ATP13A5: variants seen among roughly 807,000 people sequenced by gnomAD.
ATP13A5 encodes the protein ATPase 13A5.
A neutral mutation model predicts 150.2 loss-of-function variants in ATP13A5; 149 were observed. That is an observed-to-expected ratio of 0.99 (90% CI 0.87 to 1.14). ATP13A5 has a LOEUF of 1.14. Among genes scored for constraint, ATP13A5 ranks in the 50% most tolerant of loss-of-function variants. The pLI, the probability that ATP13A5 is intolerant of heterozygous loss-of-function variation, is 0.00. For synonymous variants in ATP13A5, 497 were observed against 522.2 expected (o/e 0.95, Z 0.66); for missense variants, 1,383 against 1,449.3 (o/e 0.95, Z 0.74).
At chr3:193,376,818 C>T (rs112999659) in intron 1 of ATP13A5, among the ~76,000 whole-genome samples, 19 of 152,278 alleles carry the variant, frequency 1.2e-4, no homozygotes, top group African/African-American at 4.1e-4. Context: ...TTCCACAGTT[C>T]GGTCACCCCA....
chr3:193,342,096 A>G (rs1051469406), intron 9 of ATP13A5, among the ~76,000 whole-genome samples: 8 of 152,180 alleles, frequency 5.3e-5, no homozygotes, highest in African/African-American at 1.9e-4. Flanking sequence ...CGGTATTCTA[A>G]CAGCTCCTAG....
chr3:193,344,608 G>T (rs1035821003), intron 8 of ATP13A5, among the ~76,000 whole-genome samples: 3 of 152,158 alleles, frequency 2.0e-5, no homozygotes, highest in African/African-American at 7.2e-5. Flanking sequence ...GTCTGTTTGG[G>T]ATAGTTAGAC....
Position 193,274,904 on chromosome 3 carries a change from G to A in ATP13A5, c.*138C>T. On this transcript the variant is annotated 3_prime_UTR_variant, in exon 30 of 30. Coordinates refer to ENST00000342358, the MANE Select transcript of ATP13A5 (RefSeq NM_198505.4). ...CCTATCTAAGGTCCCTTGCTGCAAG[G>A]TTTAATTCATTGAAAATATACTTTG... 5.5e-6 allele frequency: 7 copies of A among 1,281,986 alleles called. No individual in the cohort carries two copies. Among genetic ancestry groups the A allele is most frequent in the South Asian group, 1.4e-5 (1 of 69,780 alleles). 79.4% of individuals were successfully genotyped at this position (1,281,986 alleles called of 1,614,324 possible). A position where few individuals can be genotyped will look rare whatever the true frequency, so the allele number is the denominator to read the frequency against.
rs531185421 is a variant in ATP13A5, at chr3:193,293,701, A to T, written c.2849-3642T>A. ...CTGAAAATCATATAAGACAAATTTC[A>T]GGAGGTTCATGAACCCACCTAAACT... On this transcript the variant is annotated intron_variant, in intron 25 of 29. Transcript: ENST00000342358. 3.3e-5 allele frequency among the ~76,000 whole-genome samples: 5 copies of T among 152,210 alleles called. No individual in the cohort carries two copies. In the South Asian group the frequency reaches 1.0e-3, roughly 32 times the overall value.
intron 25 of ATP13A5, 145 bp from the exon 26 acceptor site, chr3:193,290,204 T>C (rs1159718383): frequency 1.4e-6 from 1 of 731,520 alleles, no homozygotes; most frequent in Non-Finnish European, 2.1e-6. Flanking sequence ...GGTAAGCACA[T>C]TGCCTGGTGG....
Position 193,334,962 on chromosome 3 carries a change from G to GC in ATP13A5, c.1080dup (p.Gln361AlafsTer126), listed in dbSNP as rs1449277326. On this transcript the variant is annotated frameshift_variant, in exon 10 of 30. Coordinates refer to ENST00000342358, the MANE Select transcript of ATP13A5 (RefSeq NM_198505.4). LOFTEE classifies it high-confidence loss of function. ...AAAACGACTGCTCGTACAGGCCCCT[G>GC]CCCAGAGGGCTTGACCTGGATAACT... 1.2e-6 allele frequency: 2 copies of GC among 1,613,862 alleles called. No individual in the cohort carries two copies. The highest frequency in any genetic ancestry group is 2.2e-5 in the South Asian group (2 of 91,046).
At chr3:193,290,173 C>G (rs542786931) in intron 25 of ATP13A5, 114 bp from the exon 26 acceptor site, 3 of 1,056,210 alleles carry the variant, frequency 2.8e-6, no homozygotes, top group African/African-American at 3.3e-5. Flanking sequence ...TAAGCAAACA[C>G]GAACAGAAGA....
chr3:193,296,028 G>C (rs1263024692), intron 25 of ATP13A5, among the ~76,000 whole-genome samples: 1 of 152,104 alleles, frequency 6.6e-6, no homozygotes, highest in Non-Finnish European at 1.5e-5. Context: ...GCAGCAGCGA[G>C]AGCAAGCTAT....
intron 6 of ATP13A5, among the ~76,000 whole-genome samples, chr3:193,352,602 A>G (rs1712606331): frequency 6.6e-6 from 1 of 152,186 alleles, no homozygotes; most frequent in African/African-American, 2.4e-5. Flanking sequence ...CAATTTGAAA[A>G]CGTACTTGAC....
chr3:193,291,307 G>A (rs1208592169), intron 25 of ATP13A5, among the ~76,000 whole-genome samples: 1 of 152,078 alleles, frequency 6.6e-6, no homozygotes, highest in South Asian at 2.1e-4. Context: ...ATGCAGAGAT[G>A]AGAAGGACAT....
intron 7 of ATP13A5, among the ~76,000 whole-genome samples, chr3:193,345,461 T>C (rs1222864413): frequency 1.3e-5 from 2 of 152,050 alleles, no homozygotes; most frequent in Non-Finnish European, 1.5e-5. Flanking sequence ...TCAGAGAGAC[T>C]CCAGGGATGC....
In ATP13A5 at chr3:193,364,099, G is replaced by A. The variant is rs1352878313; in HGVS notation, c.237+8C>T. 3 of 1,613,492 alleles carry A rather than the reference G, an allele frequency of 1.9e-6. No homozygotes were observed. The Admixed American group carries it at 5.0e-5, about 27-fold the overall frequency. ...GGCTTTCAAAATAGAAAACAGAAAGGCACGCACTGTTGTCCTCAGCAAAAC... is the reference window on the plus strand; with the variant it reads ...GGCTTTCAAAATAGAAAACAGAAAGACACGCACTGTTGTCCTCAGCAAAAC... On this transcript the variant is annotated splice_region_variant and intron_variant, in intron 2 of 29. Coordinates refer to ENST00000342358, the MANE Select transcript of ATP13A5 (RefSeq NM_198505.4).
At chr3:193,283,211 C>T (rs533920383) in intron 27 of ATP13A5, among the ~76,000 whole-genome samples, 3 of 152,080 alleles carry the variant, frequency 2.0e-5, no homozygotes, top group Non-Finnish European at 2.9e-5. Flanking sequence ...CTAGAAAAAC[C>T]GGTTGACTAG....
rs769241178 is a variant in ATP13A5, at chr3:193,331,132, G to A, written c.1452C>T (p.Cys484=). ...GAAGTCTGGATCATACTTTGTCAAA[G>A]CACACGAGGTTTATTTGCCCACACA... ...INMCGQINLV[C]FDKTGTLTED... Residue 484 remains cysteine, a synonymous_variant, in exon 12 of 30, where the codon TGC becomes TGT. Transcript: ENST00000342358. 1.8e-5 allele frequency: 29 copies of A among 1,613,504 alleles called. No individual in the cohort carries two copies. The highest frequency in any genetic ancestry group is 2.4e-5 in the Non-Finnish European group (28 of 1,179,708).
intron 13 of ATP13A5, 58 bp downstream of exon 13, chr3:193,326,938 G>C (rs749089034): frequency 2.7e-6 from 4 of 1,463,104 alleles, no homozygotes; most frequent in Non-Finnish European, 3.8e-6. Flanking sequence ...AGATGGATTT[G>C]AGTATCATCC....
intron 12 of ATP13A5, among the ~76,000 whole-genome samples, chr3:193,329,545 G>C (rs1425569108): frequency 6.6e-6 from 1 of 152,192 alleles, no homozygotes. Context: ...AGACACCAGT[G>C]AGGCTCATGA....
chr3:193,293,356 G>A (rs1718041807), intron 25 of ATP13A5, among the ~76,000 whole-genome samples: 1 of 152,126 alleles, frequency 6.6e-6, no homozygotes, highest in South Asian at 2.1e-4. Context: ...AACTTCTGAA[G>A]TGTTATATGG....
At chr3:193,301,710 A>G (rs1718401649) in intron 23 of ATP13A5, among the ~76,000 whole-genome samples, 1 of 152,216 alleles carries the variant, frequency 6.6e-6, no homozygotes, top group Non-Finnish European at 1.5e-5. Flanking sequence ...CATCTTAACA[A>G]TACATGCTTC....
chr3:193,336,062 A>T (rs1482193357), intron 9 of ATP13A5, among the ~76,000 whole-genome samples: 1 of 152,180 alleles, frequency 6.6e-6, no homozygotes, highest in Non-Finnish European at 1.5e-5. Context: ...TTCAATTAGC[A>T]AGATAACTTG....
Sources: allele counts gnomAD v4.1 joint callset (sites outside exome capture counted in the v4.1 genomes callset), GRCh38; gene constraint gnomAD v4.1.1; transcripts MANE v1.5; gene names NCBI Gene and HGNC (gene_info 2026-07-23, HGNC 2026-07-21).